MROH9: variants seen among roughly 807,000 people sequenced by gnomAD.
MROH9 encodes maestro heat like repeat family member 9, also known as maestro heat-like repeat-containing protein family member 9.
In MROH9, 92 loss-of-function variants were observed where a neutral mutation model predicts 98.2. The ratio of observed to expected loss-of-function variants is 0.94; its 90% CI spans 0.79 to 1.11. The LOEUF (loss-of-function observed/expected upper bound fraction) is 1.11, where lower values mean the gene tolerates loss of function less well. Ranked by LOEUF, MROH9 falls within the 50% of genes most tolerant of loss-of-function variation. MROH9 has a pLI of 0.00. For synonymous variants in MROH9, 397 were observed against 368.9 expected, an observed-to-expected ratio of 1.08 and a Z score of -0.87; for missense variants, 1,057 against 1,014.8, an observed-to-expected ratio of 1.04 and a Z score of -0.57.
chr1:171,036,038 A>G (rs1315358221), intron 20 of MROH9, among the ~76,000 whole-genome samples: 1 of 152,170 alleles, frequency 6.6e-6, no homozygotes, highest in Non-Finnish European at 1.5e-5. Flanking sequence ...GATTCACACA[A>G]TGAAATACTA....
intron 21 of MROH9, 140 bp downstream of exon 21, chr1:171,062,334 C>T (rs182630610): frequency 9.3e-5 from 57 of 614,410 alleles, no homozygotes; most frequent in African/African-American, 8.0e-4. Flanking sequence ...TGGATAATTA[C>T]GGAAGAATCA....
At chr1:171,046,483 G>A (rs992855632) in intron 20 of MROH9, among the ~76,000 whole-genome samples, 6 of 152,120 alleles carry the variant, frequency 3.9e-5, no homozygotes, top group African/African-American at 1.4e-4. Flanking sequence ...TGGCTACCAC[G>A]GGACTTGCAA....
chr1:170,937,671 G>C (rs1205579957), intron 1 of MROH9, among the ~76,000 whole-genome samples: 1 of 151,228 alleles, frequency 6.6e-6, no homozygotes, highest in African/African-American at 2.4e-5. Context: ...ACAGGCGCCC[G>C]CCACTACGCC....
At chr1:171,037,616 A>T (rs541388494) in intron 20 of MROH9, among the ~76,000 whole-genome samples, 134 of 152,146 alleles carry the variant, frequency 8.8e-4, no homozygotes, top group African/African-American at 2.3e-3. Flanking sequence ...TGATTCTAAA[A>T]TTAAAGTAGA....
chr1:170,961,965 C>T lies in MROH9; in HGVS notation c.364C>T (p.Gln122Ter). Reference protein sequence around the residue: ...SLVSKDLYKLQILKEMLVWMS... With the variant: ...SLVSKDLYKL ...GGTGTCTAAAGACCTCTACAAACTACAGATCTTAAAGGTAAAGAGGAAATA... is the reference window on the plus strand; with the variant it reads ...GGTGTCTAAAGACCTCTACAAACTATAGATCTTAAAGGTAAAGAGGAAATA... The change falls in exon 6 of 22, where the codon CAG becomes TAG. Residue 122 changes from glutamine to a stop codon, truncating the protein, a stop_gained. Transcript: ENST00000367759. LOFTEE classifies it high-confidence loss of function. 1.3e-6 allele frequency: 2 copies of T among 1,519,842 alleles called. No individual in the cohort carries two copies. The highest frequency in any genetic ancestry group is 1.2e-5 in the South Asian group (1 of 81,160). The allele number at this position is 1,519,842 out of a possible 1,614,324, so 94.1% of individuals were successfully genotyped here.
At chr1:171,004,189 G>A (rs1274568385) in intron 15 of MROH9, among the ~76,000 whole-genome samples, 1 of 152,164 alleles carries the variant, frequency 6.6e-6, no homozygotes, top group Non-Finnish European at 1.5e-5. Flanking sequence ...AAAGAAAAAG[G>A]CTTTAGTTCT....
Position 171,064,421 on chromosome 1 carries a change from G to T in MROH9, c.*81G>T. 2 of 1,358,132 alleles carry T rather than the reference G, an allele frequency of 1.5e-6. No homozygotes were observed. The highest frequency in any genetic ancestry group is 1.5e-5 in the African/African-American group (1 of 67,234). 84.1% of individuals were successfully genotyped at this position (1,358,132 alleles called of 1,614,324 possible). ...TTGGAGCTGACCTTAGAAGAAGAATGATTTTTCTTTCCCTCCTGACAACTT... is the reference window on the plus strand; with the variant it reads ...TTGGAGCTGACCTTAGAAGAAGAATTATTTTTCTTTCCCTCCTGACAACTT... On this transcript the variant is annotated 3_prime_UTR_variant, in exon 22 of 22. Transcript: ENST00000367759.
intron 20 of MROH9, among the ~76,000 whole-genome samples, chr1:171,036,881 T>G (rs182134755): frequency 1.4e-3 from 205 of 151,192 alleles, no homozygotes; most frequent in African/African-American, 4.6e-3. Flanking sequence ...CAGACACTAC[T>G]AAAACATTAT....
intron 11 of MROH9, 54 bp downstream of exon 11, chr1:170,990,057 C>T (rs1651296677): frequency 6.5e-7 from 1 of 1,529,632 alleles, no homozygotes; most frequent in Non-Finnish European, 8.9e-7. Flanking sequence ...ACAGGCTGCA[C>T]TGTCAGATGG....
intron 14 of MROH9, among the ~76,000 whole-genome samples, 165 bp downstream of exon 14, chr1:170,996,809 C>T (rs1397534984): frequency 6.6e-6 from 1 of 152,070 alleles, no homozygotes; most frequent in Non-Finnish European, 1.5e-5. Flanking sequence ...TATTTTGAAG[C>T]GTTTTTATTT....
chr1:170,974,935 A>G (rs1332068922), intron 8 of MROH9, among the ~76,000 whole-genome samples: 1 of 152,096 alleles, frequency 6.6e-6, no homozygotes, highest in Non-Finnish European at 1.5e-5. Flanking sequence ...AAAGTAAACT[A>G]ATAAGTTAAG....
At chr1:171,035,259 C>A (rs973801461) in intron 20 of MROH9, among the ~76,000 whole-genome samples, 12 of 150,502 alleles carry the variant, frequency 8.0e-5, no homozygotes, top group Non-Finnish European at 1.5e-4. Context: ...TCCAATAGAT[C>A]AAAAAATAAA....
At chr1:171,012,433 T>G (rs1466765284) in intron 15 of MROH9, among the ~76,000 whole-genome samples, 1 of 152,066 alleles carries the variant, frequency 6.6e-6, no homozygotes, top group Admixed American at 6.6e-5. Flanking sequence ...CTCCCTATCT[T>G]TCTGTGTACC....
chr1:170,973,985 A>G (rs1650584429), intron 8 of MROH9, among the ~76,000 whole-genome samples: 2 of 152,212 alleles, frequency 1.3e-5, no homozygotes, highest in Non-Finnish European at 2.9e-5. Flanking sequence ...CTCCTAAAAG[A>G]CTTATATTGA....
intron 3 of MROH9, among the ~76,000 whole-genome samples, chr1:170,956,899 A>G (rs1202535474): frequency 6.6e-6 from 1 of 151,688 alleles, no homozygotes; most frequent in Admixed American, 6.6e-5. Context: ...GTTGAAGAGG[A>G]GTGGTGAGAG....
At chr1:171,033,111 T>G (rs1652979136) in intron 20 of MROH9, among the ~76,000 whole-genome samples, 1 of 152,228 alleles carries the variant, frequency 6.6e-6, no homozygotes, top group African/African-American at 2.4e-5. Context: ...GACCAAGCCA[T>G]CCAGCCTCCC....
At chr1:170,944,899 A>G (rs1157457329) in intron 1 of MROH9, among the ~76,000 whole-genome samples, 1 of 152,044 alleles carries the variant, frequency 6.6e-6, no homozygotes, top group Non-Finnish European at 1.5e-5. Flanking sequence ...TATGATGGGA[A>G]ATCATTCTCA....
chr1:171,037,960 A>G (rs1653161208), intron 20 of MROH9, among the ~76,000 whole-genome samples: 1 of 152,012 alleles, frequency 6.6e-6, no homozygotes, highest in Non-Finnish European at 1.5e-5. Flanking sequence ...TCAAATGTTA[A>G]AAAAGGAAAC....
chr1:170,953,345 G>A (rs1235384248), intron 3 of MROH9, among the ~76,000 whole-genome samples: 1 of 151,750 alleles, frequency 6.6e-6, no homozygotes, highest in Non-Finnish European at 1.5e-5. Flanking sequence ...TTTTAGTTTT[G>A]ATCAAGTCCA....
Sources: allele counts gnomAD v4.1 joint callset (sites outside exome capture counted in the v4.1 genomes callset), GRCh38; gene constraint gnomAD v4.1.1; transcripts MANE v1.5; gene names NCBI Gene and HGNC (gene_info 2026-07-23, HGNC 2026-07-21).